The following THSD7A variants were observed in gnomAD, a reference collection of about 807,000 sequenced individuals.
THSD7A encodes thrombospondin type 1 domain containing 7A.
THSD7A carries 96 observed loss-of-function variants against 231.3 expected under a neutral mutation model. That is an observed-to-expected ratio of 0.41 (90% confidence interval 0.35 to 0.49). THSD7A has a LOEUF of 0.49. Ranked by LOEUF, THSD7A falls within the 20% of genes least tolerant of loss-of-function variation. The probability of loss-of-function intolerance (pLI) is 0.05; values close to 1 mark genes in which losing one functional copy is unlikely to be tolerated. For missense variants in THSD7A, 2,290 were observed against 2,070.2 expected, an observed-to-expected ratio of 1.11 and a Z score of -2.06; for synonymous variants, 940 against 743.3, an observed-to-expected ratio of 1.26 and a Z score of -4.30.
chr7:11,486,715 C>G (rs987870690), intron 6 of THSD7A, among the ~76,000 whole-genome samples: 2 of 151,936 alleles, frequency 1.3e-5, no homozygotes, highest in Admixed American at 1.3e-4. Flanking sequence ...ATTAAATATA[C>G]TATCTTTTTT....
At chr7:11,794,157 C>T (rs1221468935) in intron 1 of THSD7A, among the ~76,000 whole-genome samples, 1 of 151,792 alleles carries the variant, frequency 6.6e-6, no homozygotes, top group Non-Finnish European at 1.5e-5. Context: ...ACATACAGGG[C>T]AGGAGATAAG....
At chr7:11,671,075 T>C (rs2128378314) in intron 1 of THSD7A, among the ~76,000 whole-genome samples, 1 of 152,292 alleles carries the variant, frequency 6.6e-6, no homozygotes, top group African/African-American at 2.4e-5. Flanking sequence ...AATGAAGAGC[T>C]CTGCTGCCAT....
At chr7:11,766,386 T>A (rs768643371) in intron 1 of THSD7A, among the ~76,000 whole-genome samples, 14 of 152,130 alleles carry the variant, frequency 9.2e-5, no homozygotes, top group Non-Finnish European at 1.8e-4. Context: ...AATGTAGAAA[T>A]CAACTGCCTT....
At chr7:11,383,389 G>T (rs932420052) in intron 23 of THSD7A, among the ~76,000 whole-genome samples, 6 of 151,846 alleles carry the variant, frequency 4.0e-5, no homozygotes, top group Admixed American at 6.6e-5. Flanking sequence ...TTTTAATTTT[G>T]TTATTCAAAC....
At chr7:11,763,363 A>G (rs1782926581) in intron 1 of THSD7A, among the ~76,000 whole-genome samples, 1 of 152,166 alleles carries the variant, frequency 6.6e-6, no homozygotes, top group Admixed American at 6.5e-5. Context: ...TTTGCTGTCC[A>G]TATCTTGACT....
chr7:11,661,909 A>AT, intron 1 of THSD7A, among the ~76,000 whole-genome samples: 1 of 151,242 alleles, frequency 6.6e-6, no homozygotes, highest in Non-Finnish European at 1.5e-5. Context: ...AGGTCCTTGC[A>AT]TTTTCTAGGA....
At chr7:11,708,934 T>C (rs1412405883) in intron 1 of THSD7A, among the ~76,000 whole-genome samples, 2 of 150,764 alleles carry the variant, frequency 1.3e-5, no homozygotes, top group African/African-American at 4.8e-5. Flanking sequence ...TAATACACAT[T>C]ATAGCACTAT....
chr7:11,375,804 G>A lies in THSD7A; in HGVS notation c.4964C>T (p.Ala1655Val), dbSNP rs748913053. The A allele has an allele frequency of 5.8e-5, 93 of 1,612,080 alleles. No individual in the cohort carries two copies. The highest frequency in any genetic ancestry group is 7.3e-5 in the Non-Finnish European group (86 of 1,178,770). Reference sequence around the variant, plus strand: ...AGGAAAAGTTATATGTTACATGTCGGCATCTCCATCATAGGCTAAGGTTAA... The same window carrying A: ...AGGAAAAGTTATATGTTACATGTCGACATCTCCATCATAGGCTAAGGTTAA... ...KPLTLAYDGDADM is the reference protein window; with the variant it reads ...KPLTLAYDGDVDM The change falls in exon 28 of 28, where the codon GCC becomes GTC. Residue 1655 changes from alanine to valine, a missense_variant. By Grantham distance (64) the Ala-to-Val change is moderately conservative. Coordinates refer to ENST00000423059, the MANE Select transcript of THSD7A (RefSeq NM_015204.3).
chr7:11,795,444 A>C (rs774945467), intron 1 of THSD7A, among the ~76,000 whole-genome samples: 3 of 152,008 alleles, frequency 2.0e-5, no homozygotes, highest in Non-Finnish European at 4.4e-5. Flanking sequence ...CACACAATTA[A>C]ATTGATGTTT....
chr7:11,585,940 G>A (rs181767623), intron 4 of THSD7A, among the ~76,000 whole-genome samples: 45 of 151,750 alleles, frequency 3.0e-4, no homozygotes, highest in African/African-American at 9.7e-4. Flanking sequence ...TTTTTTTCGC[G>A]TCAATGTTAT....
At chr7:11,638,641 G>A (rs1781959265) in intron 1 of THSD7A, among the ~76,000 whole-genome samples, 1 of 152,032 alleles carries the variant, frequency 6.6e-6, no homozygotes, top group Non-Finnish European at 1.5e-5. Flanking sequence ...TATGAAGTTT[G>A]CATGTACAAA....
chr7:11,704,416 G>C (rs1362519387), intron 1 of THSD7A, among the ~76,000 whole-genome samples: 5 of 150,944 alleles, frequency 3.3e-5, no homozygotes, highest in African/African-American at 1.2e-4. Context: ...TATAATTTAA[G>C]TGACATAACC....
At chr7:11,609,331 C>T (rs1780842299) in intron 2 of THSD7A, among the ~76,000 whole-genome samples, 1 of 152,196 alleles carries the variant, frequency 6.6e-6, no homozygotes, top group East Asian at 1.9e-4. Flanking sequence ...AAAGCCTGCC[C>T]CGGCCCATGA....
intron 1 of THSD7A, among the ~76,000 whole-genome samples, chr7:11,825,191 T>G (rs934081115): frequency 2.0e-5 from 3 of 152,268 alleles, no homozygotes; most frequent in South Asian, 2.1e-4. Context: ...TAACAGTTTT[T>G]GAATGTCTGC....
At chr7:11,509,336 T>C (rs1260648249) in intron 6 of THSD7A, among the ~76,000 whole-genome samples, 2 of 152,284 alleles carry the variant, frequency 1.3e-5, no homozygotes, top group East Asian at 1.9e-4. Flanking sequence ...ACTTATATAA[T>C]ATAAAGTCAA....
intron 27 of THSD7A, among the ~76,000 whole-genome samples, chr7:11,376,313 A>C (rs774469646): frequency 6.6e-6 from 1 of 152,128 alleles, no homozygotes; most frequent in South Asian, 2.1e-4. Context: ...CACCATATTG[A>C]GTACAAAGCA....
chr7:11,750,766 A>G (rs980506709), intron 1 of THSD7A, among the ~76,000 whole-genome samples: 4 of 152,026 alleles, frequency 2.6e-5, no homozygotes, highest in African/African-American at 9.7e-5. Context: ...TAACGGCAGA[A>G]ATAAAGGACA....
chr7:11,426,958 C>T (rs1784341511), intron 14 of THSD7A, among the ~76,000 whole-genome samples: 1 of 152,082 alleles, frequency 6.6e-6, no homozygotes, highest in Non-Finnish European at 1.5e-5. Flanking sequence ...TGGAGTTGAC[C>T]TCACAATACA....
At chr7:11,388,830 G>A (rs139708872) in intron 23 of THSD7A, among the ~76,000 whole-genome samples, 9 of 151,608 alleles carry the variant, frequency 5.9e-5, no homozygotes, top group Non-Finnish European at 8.9e-5. Flanking sequence ...GGTACTTTGA[G>A]TCTGTGTTCT....
Sources: gnomAD v4.1 joint callset for allele counts (sites outside exome capture counted in the v4.1 genomes callset) on GRCh38, gnomAD v4.1.1 for gene constraint, MANE v1.5 for transcripts, NCBI Gene and HGNC (gene_info 2026-07-23, HGNC 2026-07-21) for gene names.